CTDP1: variants seen among roughly 807,000 people sequenced by gnomAD.
CTDP1 encodes the protein CTD phosphatase 1, also known as RNA polymerase II subunit A C-terminal domain phosphatase.
Under a neutral mutation model 91.8 loss-of-function variants are expected in CTDP1, and 47 were observed. That is an observed-to-expected ratio of 0.51 (90% CI 0.41 to 0.65). The LOEUF (loss-of-function observed/expected upper bound fraction) is 0.65. Among genes scored for constraint, CTDP1 ranks in the 30% least tolerant of loss-of-function variants. CTDP1 has a pLI of 0.00. For missense variants in CTDP1, 1,272 were observed against 1,373.7 expected (o/e 0.93, Z 1.17); for synonymous variants, 656 against 598.5 (o/e 1.10, Z -1.40).
chr18:79,680,410 A>T (rs2085336817), intron 1 of CTDP1, 149 bp downstream of exon 1: 9 of 590,328 alleles, frequency 1.5e-5, no homozygotes, highest in Non-Finnish European at 2.2e-5. Context: ...TTCTCCCCTA[A>T]AACTGGATAG....
At chr18:79,736,651 C>T in intron 12 of CTDP1, 130 bp downstream of exon 12, 3 of 953,178 alleles carry the variant, frequency 3.1e-6, no homozygotes, top group Non-Finnish European at 1.5e-6. Flanking sequence ...CCAGCAGCTT[C>T]CAAACTCAGC....
chr18:79,751,176 G>T (rs1480729622), intron 12 of CTDP1, among the ~76,000 whole-genome samples: 1 of 125,298 alleles, frequency 8.0e-6, no homozygotes, highest in Admixed American at 8.0e-5. Context: ...CAGAGGGCAG[G>T]CTTGGGAGGG....
chr18:79,706,235 T>G (rs2085964851), intron 5 of CTDP1, among the ~76,000 whole-genome samples: 1 of 152,180 alleles, frequency 6.6e-6, no homozygotes, highest in Non-Finnish European at 1.5e-5. Context: ...TCCAGAACTG[T>G]GAGGAAGGGA....
chr18:79,714,898 G>C lies in CTDP1; in HGVS notation c.1438G>C (p.Gly480Arg), dbSNP rs774121261. ...SSSASDGESEGKRGRQKPKAA... is the reference protein window; with the variant it reads ...SSSASDGESERKRGRQKPKAA... ...CTCCGCCTCTGATGGCGAAAGCGAG[G>C]GGAAAAGAGGCCGGCAGAAGCCGAA... The change falls in exon 8 of 13, where the codon GGG becomes CGG. Residue 480 changes from glycine to arginine, a missense_variant. By Grantham distance (125) the Gly-to-Arg change is moderately radical. Around this residue, in one of 3 missense-constraint regions of CTDP1, gnomAD observed 881 missense variants for 911.6 expected, o/e 0.97. Coordinates refer to ENST00000613122, the MANE Select transcript of CTDP1 (RefSeq NM_004715.5). The C allele has an allele frequency of 7.0e-6, 11 of 1,572,344 alleles. No individual in the cohort carries two copies. Among genetic ancestry groups the C allele is most frequent in the Non-Finnish European group, 9.5e-6 (11 of 1,159,198 alleles).
chr18:79,683,477 T>C (rs1219479569), intron 1 of CTDP1, among the ~76,000 whole-genome samples: 2 of 152,226 alleles, frequency 1.3e-5, no homozygotes, highest in Non-Finnish European at 2.9e-5. Context: ...AATCTGCTCC[T>C]GGGCTTGTGC....
intron 10 of CTDP1, 98 bp downstream of exon 10, chr18:79,718,114 G>A: frequency 7.2e-7 from 1 of 1,387,956 alleles, no homozygotes; most frequent in Admixed American, 1.9e-5. Flanking sequence ...CCGAAGTGAG[G>A]GCGGGTGGAG....
chr18:79,679,489 C>G (rs1365852979), upstream of CTDP1: 1 of 456,880 alleles, frequency 2.2e-6, no homozygotes, highest in South Asian at 1.5e-5. Context: ...GGTAATGGCA[C>G]GCAGGCCTGC....
intron 10 of CTDP1, among the ~76,000 whole-genome samples, chr18:79,722,966 A>G (rs899143792): frequency 6.6e-6 from 1 of 152,168 alleles, no homozygotes; most frequent in African/African-American, 2.4e-5. Context: ...GTTTAATCCA[A>G]GAGTCCCCCC....
intron 1 of CTDP1, among the ~76,000 whole-genome samples, chr18:79,690,967 G>C (rs778523663): frequency 6.6e-6 from 1 of 152,218 alleles, no homozygotes; most frequent in Non-Finnish European, 1.5e-5. Flanking sequence ...TGCTGCCTGC[G>C]TGCACTGGGC....
chr18:79,704,993 A>G, intron 5 of CTDP1, 76 bp downstream of exon 5: 1 of 1,595,452 alleles, frequency 6.3e-7, no homozygotes, highest in Non-Finnish European at 8.5e-7. Flanking sequence ...TTTCTTAAAG[A>G]TGAAGAAAGA....
chr18:79,728,258 C>A (rs2086492107), intron 10 of CTDP1, among the ~76,000 whole-genome samples: 1 of 152,072 alleles, frequency 6.6e-6, no homozygotes. Flanking sequence ...CACCACCACA[C>A]CGGGCTAATT....
intron 1 of CTDP1, among the ~76,000 whole-genome samples, chr18:79,694,627 G>A (rs1297609040): frequency 6.6e-6 from 1 of 151,716 alleles, no homozygotes; most frequent in Non-Finnish European, 1.5e-5. Flanking sequence ...GGCTGGGGTG[G>A]GAGTGTGGGG....
At chr18:79,715,828 G>A (rs935486438) in intron 8 of CTDP1, among the ~76,000 whole-genome samples, 2 of 152,318 alleles carry the variant, frequency 1.3e-5, no homozygotes, top group African/African-American at 2.4e-5. Context: ...TCAGCGATAG[G>A]GACGTAGTGG....
chr18:79,712,058 C>G (rs1027332237), intron 6 of CTDP1, among the ~76,000 whole-genome samples: 1 of 152,218 alleles, frequency 6.6e-6, no homozygotes, highest in Non-Finnish European at 1.5e-5. Context: ...AAAGTATTTA[C>G]TTCAGAAACC....
intron 4 of CTDP1, among the ~76,000 whole-genome samples, chr18:79,702,420 C>G (rs1293507830): frequency 6.6e-6 from 1 of 152,114 alleles, no homozygotes; most frequent in Non-Finnish European, 1.5e-5. Context: ...GTTGCCCAGG[C>G]TGGAGTGCAG....
chr18:79,749,027 C>T (rs2086940124), intron 12 of CTDP1, among the ~76,000 whole-genome samples: 2 of 152,252 alleles, frequency 1.3e-5, no homozygotes, highest in Non-Finnish European at 2.9e-5. Context: ...CCAAGTTATG[C>T]TGGCGTTTCT....
intron 1 of CTDP1, chr18:79,680,800 C>T (rs1414295482): frequency 6.6e-6 from 1 of 152,374 alleles, no homozygotes; most frequent in Non-Finnish European, 1.5e-5. Context: ...TGGGCATTGT[C>T]GCAGGCTGCT....
At chr18:79,727,074 T>A (rs2086463562) in intron 10 of CTDP1, among the ~76,000 whole-genome samples, 1 of 151,712 alleles carries the variant, frequency 6.6e-6, no homozygotes, top group African/African-American at 2.4e-5. Flanking sequence ...AATCCTGACC[T>A]TCCCGCGTGG....
At chr18:79,722,740 C>T (rs539075573) in intron 10 of CTDP1, among the ~76,000 whole-genome samples, 2 of 152,074 alleles carry the variant, frequency 1.3e-5, no homozygotes, top group African/African-American at 4.8e-5. Context: ...GACCTACTTA[C>T]ATCAGAAAAA....
Sources: allele counts gnomAD v4.1 joint callset (sites outside exome capture counted in the v4.1 genomes callset), GRCh38; gene constraint gnomAD v4.1.1; regional missense constraint gnomAD v4.1.1; transcripts MANE v1.5; gene names NCBI Gene and HGNC (gene_info 2026-07-23, HGNC 2026-07-21).